Variants in COL23A1 observed in about 807,000 individuals in gnomAD.
COL23A1 encodes the protein collagen alpha-1(XXIII) chain.
A neutral mutation model predicts 99.3 loss-of-function variants in COL23A1; 97 were observed. That is an observed-to-expected ratio of 0.98 (90% CI 0.83 to 1.16). The LOEUF is 1.16. Among genes scored for constraint, COL23A1 ranks in the 50% most tolerant of loss-of-function variants. The pLI is 0.00. For missense variants in COL23A1, 762 were observed against 757.4 expected, an observed-to-expected ratio of 1.01 and a Z score of -0.07; for synonymous variants, 320 against 308.2, an observed-to-expected ratio of 1.04 and a Z score of -0.40.
intron 2 of COL23A1, among the ~76,000 whole-genome samples, chr5:178,357,940 ATG>A (rs1213947155): frequency 0.035 from 4,614 of 133,092 alleles, 134 homozygotes; most frequent in Middle Eastern, 0.066. Flanking sequence ...ATGTGTATGT[ATG>A]TGTGTGTATG....
intron 2 of COL23A1, among the ~76,000 whole-genome samples, chr5:178,494,289 A>G (rs950812087): frequency 1.3e-5 from 2 of 152,250 alleles, no homozygotes; most frequent in Non-Finnish European, 2.9e-5. Flanking sequence ...CAAGCCAGAC[A>G]GCACACAGCC....
At chr5:178,404,261 C>T (rs1190149445) in intron 2 of COL23A1, among the ~76,000 whole-genome samples, 4 of 152,170 alleles carry the variant, frequency 2.6e-5, no homozygotes, top group East Asian at 1.9e-4. Flanking sequence ...TGTGCTCAAT[C>T]GCAATCACTG....
At chr5:178,392,400 T>C (rs1256846173) in intron 2 of COL23A1, among the ~76,000 whole-genome samples, 1 of 152,186 alleles carries the variant, frequency 6.6e-6, no homozygotes, top group African/African-American at 2.4e-5. Flanking sequence ...TCTTCTAAAA[T>C]GTTAAAGAAA....
chr5:178,448,373 G>A (rs1348094364), intron 2 of COL23A1, among the ~76,000 whole-genome samples: 3 of 124,392 alleles, frequency 2.4e-5, no homozygotes, highest in African/African-American at 9.2e-5. Flanking sequence ...TTCTGTTAGT[G>A]CTAGTCGCAG....
At chr5:178,300,323 C>T (rs1172978104) in intron 3 of COL23A1, among the ~76,000 whole-genome samples, 2 of 152,126 alleles carry the variant, frequency 1.3e-5, no homozygotes, top group African/African-American at 4.8e-5. Flanking sequence ...GCCTCAGCCT[C>T]CCAAAATGCT....
At chr5:178,457,704 A>G (rs1755872978) in intron 2 of COL23A1, among the ~76,000 whole-genome samples, 1 of 152,232 alleles carries the variant, frequency 6.6e-6, no homozygotes, top group Admixed American at 6.5e-5. Flanking sequence ...AGATTGTTGG[A>G]GGCAGTGCTG....
intron 1 of COL23A1, among the ~76,000 whole-genome samples, chr5:178,586,054 C>T (rs1034629978): frequency 6.6e-6 from 1 of 152,184 alleles, no homozygotes; most frequent in African/African-American, 2.4e-5. Context: ...TGGGTGAAGA[C>T]ATAGGTTCAC....
chr5:178,370,171 G>T (rs1282462565), intron 2 of COL23A1, among the ~76,000 whole-genome samples: 1 of 152,222 alleles, frequency 6.6e-6, no homozygotes, highest in Non-Finnish European at 1.5e-5. Flanking sequence ...AGTCTGGATG[G>T]AATCAAAGGA....
intron 2 of COL23A1, among the ~76,000 whole-genome samples, chr5:178,470,958 A>G (rs1756713854): frequency 6.6e-6 from 1 of 152,206 alleles, no homozygotes; most frequent in Non-Finnish European, 1.5e-5. Context: ...CTTACTGTGA[A>G]GATCCAACCA....
intron 2 of COL23A1, among the ~76,000 whole-genome samples, chr5:178,318,627 C>T (rs998822177): frequency 5.3e-5 from 8 of 152,298 alleles, no homozygotes; most frequent in Admixed American, 1.3e-4. Flanking sequence ...TTCGGCCGGG[C>T]GCGGTGGCTC....
In COL23A1 at chr5:178,574,230, G is replaced by A. The variant is rs114014657; in HGVS notation, c.295-13482C>T. 6.2e-3 allele frequency among the ~76,000 whole-genome samples: 946 copies of A among 152,202 alleles called. 15 individuals carry two copies. Among genetic ancestry groups the A allele is most frequent in the African/African-American group, 0.022 (895 of 41,502 alleles). On this transcript the variant is annotated intron_variant, in intron 1 of 28. Coordinates refer to ENST00000390654, the MANE Select transcript of COL23A1 (RefSeq NM_173465.4). ...TATTGGTGATAGAAAGCAAGAAGGCGGTTACCTCTGGGTGGAGACAAGAAA... is the reference window on the plus strand; with the variant it reads ...TATTGGTGATAGAAAGCAAGAAGGCAGTTACCTCTGGGTGGAGACAAGAAA...
chr5:178,585,749 T>TACAGCACTGGATGGCGCTGGG (rs1562115741), intron 1 of COL23A1, among the ~76,000 whole-genome samples: 2 of 151,408 alleles, frequency 1.3e-5, no homozygotes, highest in African/African-American at 2.4e-5. Flanking sequence ...TGGCTGACCC[T>TACAGCACTGGATGGCGCTGGG]GTTGGTTGCT....
chr5:178,582,534 C>T (rs1763718479), intron 1 of COL23A1, among the ~76,000 whole-genome samples: 1 of 152,176 alleles, frequency 6.6e-6, no homozygotes, highest in African/African-American at 2.4e-5. Context: ...TTCGCGAGGT[C>T]CTGAAAGCAG....
In COL23A1 at chr5:178,280,849, T is replaced by G. The variant is rs1249552716; in HGVS notation, c.441+7475A>C. Among the ~76,000 whole-genome samples, 1 of 152,162 alleles carries G rather than the reference T, an allele frequency of 6.6e-6. No homozygotes were observed. Among genetic ancestry groups the G allele is most frequent in the African/African-American group, 2.4e-5 (1 of 41,426 alleles). On this transcript the variant is annotated intron_variant, in intron 5 of 28. Coordinates refer to ENST00000390654, the MANE Select transcript of COL23A1 (RefSeq NM_173465.4). This position sits in a 1 kb window ranked among gnomAD's most constrained non-coding sequence, Gnocchi z 4.9. Reference sequence around the variant, plus strand: ...CTGCTGCCAGGAGGATGCAAAAAACTGCAGCAGATACAGGAGGCATCTGGG... The same window carrying G: ...CTGCTGCCAGGAGGATGCAAAAAACGGCAGCAGATACAGGAGGCATCTGGG...
chr5:178,293,202 G>A (rs1757555042), intron 3 of COL23A1, among the ~76,000 whole-genome samples: 4 of 152,058 alleles, frequency 2.6e-5, no homozygotes, highest in Admixed American at 2.6e-4. Context: ...TTTGTAGGAT[G>A]AGAGTGGTCC....
At chr5:178,277,029 G>T (rs1445195642) in intron 5 of COL23A1, among the ~76,000 whole-genome samples, 2 of 152,180 alleles carry the variant, frequency 1.3e-5, no homozygotes, top group East Asian at 1.9e-4. Flanking sequence ...CTGGAATTGG[G>T]CAATGTCTTT....
At chr5:178,504,941 C>G (rs1413394313) in intron 2 of COL23A1, among the ~76,000 whole-genome samples, 1 of 152,224 alleles carries the variant, frequency 6.6e-6, no homozygotes, top group East Asian at 1.9e-4. Flanking sequence ...CTGACAACTA[C>G]AAGATGGCCC....
At chr5:178,259,644 T>C in intron 12 of COL23A1, 77 bp downstream of exon 12, 5 of 452,834 alleles carry the variant, frequency 1.1e-5, no homozygotes. Context: ...CCCATCCCCA[T>C]TCCGTCCCAG....
chr5:178,434,534 G>C lies in COL23A1; in HGVS notation c.361+126148C>G, dbSNP rs1766445334. ...TGAAGATCAAAGGAGAGGAGGGGCA[G>C]CTGAGCCCCAGCCTGGGGCCTTCCC... On this transcript the variant is annotated intron_variant, in intron 2 of 28. Coordinates refer to ENST00000390654, the MANE Select transcript of COL23A1 (RefSeq NM_173465.4). This position sits in a 1 kb window ranked among gnomAD's most constrained non-coding sequence, Gnocchi z 4.3. Among the ~76,000 whole-genome samples, 1 of 152,188 alleles carries C rather than the reference G, an allele frequency of 6.6e-6. No homozygotes were observed. The highest frequency in any genetic ancestry group is 1.5e-5 in the Non-Finnish European group (1 of 68,032).
Sources: gnomAD v4.1 joint callset for allele counts (sites outside exome capture counted in the v4.1 genomes callset) on GRCh38, gnomAD v4.1.1 for gene constraint, Gnocchi (gnomAD v3.1) non-coding constraint, MANE v1.5 for transcripts, NCBI Gene and HGNC (gene_info 2026-07-23, HGNC 2026-07-21) for gene names.